PARG: variants seen among roughly 807,000 people sequenced by gnomAD.
PARG encodes the protein poly(ADP-ribose) glycohydrolase.
A neutral mutation model predicts 113.0 loss-of-function variants in PARG; 35 were observed. That is an observed-to-expected ratio of 0.31 (90% CI 0.24 to 0.41). PARG has a LOEUF of 0.41. Ranked by LOEUF, PARG falls within the 10% of genes least tolerant of loss-of-function variation. PARG has a pLI of 1.00. For missense variants in PARG, 797 were observed against 1,169.4 expected, an observed-to-expected ratio of 0.68 and a Z score of 4.64; for synonymous variants, 330 against 409.9, an observed-to-expected ratio of 0.81 and a Z score of 2.36.
chr10:49,827,227 GATTA>G (rs781943817), intron 16 of PARG, among the ~76,000 whole-genome samples: 13 of 152,212 alleles, frequency 8.5e-5, no homozygotes, highest in Non-Finnish European at 1.5e-4. Flanking sequence ...CAAAGCCCAA[GATTA>G]ATTAAAGGCA....
At chr10:49,902,672 A>G (rs1225627181) in intron 7 of PARG, among the ~76,000 whole-genome samples, 3 of 152,110 alleles carry the variant, frequency 2.0e-5, no homozygotes, top group Admixed American at 2.0e-4. Context: ...GAAACTTACT[A>G]CTTTTTAGGG....
chr10:49,941,191 T>G (rs1236575278), intron 1 of PARG, among the ~76,000 whole-genome samples: 1 of 152,166 alleles, frequency 6.6e-6, no homozygotes, highest in African/African-American at 2.4e-5. Flanking sequence ...AGCGCCCTAC[T>G]GTTTTACATA....
intron 8 of PARG, 28 bp from the exon 9 acceptor site, chr10:49,879,858 C>T (rs782128214): frequency 3.5e-5 from 31 of 891,652 alleles, no homozygotes; most frequent in African/African-American, 8.4e-5. Context: ...AAAATACAGA[C>T]GAGAAGAGCA....
intron 13 of PARG, among the ~76,000 whole-genome samples, chr10:49,851,054 T>C (rs1343839346): frequency 2.7e-4 from 41 of 152,342 alleles, no homozygotes; most frequent in Non-Finnish European, 5.3e-4. Flanking sequence ...TAAGACTTCA[T>C]AGTCAAAGAC....
intron 15 of PARG, among the ~76,000 whole-genome samples, chr10:49,841,133 A>G (rs1206002144): frequency 6.6e-6 from 1 of 152,072 alleles, no homozygotes; most frequent in Non-Finnish European, 1.5e-5. Context: ...GGCGCTTGTA[A>G]TCTCAGTTAC....
At chr10:49,892,386 T>C (rs58501852) in intron 7 of PARG, among the ~76,000 whole-genome samples, 14,410 of 152,200 alleles carry the variant, frequency 0.095, 1,117 homozygotes, top group East Asian at 0.32. Flanking sequence ...TAGGTGTGTG[T>C]GCATATAAAC....
intron 13 of PARG, among the ~76,000 whole-genome samples, chr10:49,845,133 A>G (rs1845445489): frequency 6.6e-6 from 1 of 152,232 alleles, no homozygotes; most frequent in East Asian, 1.9e-4. Context: ...ACGAGGATGG[A>G]AAACAAGTGG....
intron 7 of PARG, among the ~76,000 whole-genome samples, chr10:49,901,256 G>A (rs567390729): frequency 1.4e-4 from 21 of 151,432 alleles, no homozygotes; most frequent in African/African-American, 4.8e-4. Context: ...GACTACAGAT[G>A]CATGCTACCA....
intron 15 of PARG, among the ~76,000 whole-genome samples, chr10:49,840,820 C>T (rs1845194177): frequency 1.3e-5 from 2 of 152,204 alleles, no homozygotes. Flanking sequence ...GGAACTGGCA[C>T]ACCATGTATA....
chr10:49,869,553 A>G lies in PARG; in HGVS notation c.1991T>C (p.Leu664Ser), dbSNP rs782428122. ...TTTCCTTGATGAACGTCCCTCAAAC[A>G]ATCTAAGAGATAAAAAATAAAAGAG... ...SSYPDINFNR[L>S]FEGRSSRKPE... Residue 664 changes from leucine (L) to serine (S), a missense_variant and splice_region_variant, in exon 10 of 18, where the codon TTG becomes TCG. This residue lies in a region of PARG where 252 missense variants were observed against 437.4 expected (regional missense o/e 0.58). Transcript: ENST00000616448. 140 of 1,388,344 alleles carry G rather than the reference A, an allele frequency of 1.0e-4. No individual in the cohort carries two copies. Among genetic ancestry groups the G allele is most frequent in the Non-Finnish European group, 1.3e-4 (128 of 994,090 alleles). The allele number at this position is 1,388,344 out of a possible 1,614,324, so 86.0% of individuals were successfully genotyped here.
chr10:49,843,683 T>C (rs1845357446), intron 13 of PARG, 51 bp from the exon 14 acceptor site: 4 of 1,182,420 alleles, frequency 3.4e-6, no homozygotes, highest in Non-Finnish European at 4.9e-6. Flanking sequence ...GGCAAAAACA[T>C]TCCACCTTTC....
At chr10:49,835,710 T>C (rs1844883398) in intron 15 of PARG, among the ~76,000 whole-genome samples, 1 of 152,010 alleles carries the variant, frequency 6.6e-6, no homozygotes, top group Non-Finnish European at 1.5e-5. Context: ...AAAGAAATGG[T>C]ATCCAGGGGA....
At chr10:49,889,497 T>C (rs2132673600) in intron 7 of PARG, among the ~76,000 whole-genome samples, 1 of 152,290 alleles carries the variant, frequency 6.6e-6, no homozygotes, top group East Asian at 1.9e-4. Flanking sequence ...CACTAGGTCT[T>C]TACTGATACC....
rs578047933 is a variant in PARG at position 49,870,112 on chromosome 10, A to G, written c.1989-557T>C. On this transcript the variant is annotated intron_variant, in intron 9 of 17. Transcript: ENST00000616448. The stretch of plus-strand genomic sequence containing the variant: ...GAATGTTTGTGACCTCTCAAAATTT[A>G]TATGTTGAATCCTTAATCCCTAATA... 6.6e-5 allele frequency among the ~76,000 whole-genome samples: 10 copies of G among 151,842 alleles called. No homozygotes were observed. In the East Asian group the frequency reaches 1.5e-3, roughly 24 times the overall value.
chr10:49,908,055 T>C (rs1334473203), intron 7 of PARG, among the ~76,000 whole-genome samples: 1 of 152,192 alleles, frequency 6.6e-6, no homozygotes, highest in Non-Finnish European at 1.5e-5. Context: ...TCTAACCTCT[T>C]TGTCCACCAC....
At chr10:49,866,945 T>C (rs1846544170) in intron 10 of PARG, 1 of 151,610 alleles carries the variant, frequency 6.6e-6, no homozygotes, top group East Asian at 1.9e-4. Context: ...AGATATAAAA[T>C]ACACATGTTT....
chr10:49,885,422 T>C, intron 7 of PARG, 127 bp from the exon 8 acceptor site: 1 of 629,528 alleles, frequency 1.6e-6, no homozygotes, highest in Non-Finnish European at 2.9e-6. Flanking sequence ...TGGCACCCTA[T>C]CAGCATCACC....
At position 49,941,759 on chromosome 10, in the gene PARG, C is replaced by A. The variant is rs1206684386; in HGVS notation, c.-34G>T. ...CAGCAGCGCACTGTCCCCGGGCCGG[C>A]CCGGGCGGAGAGCCTCATTCACTAA... is the stretch of plus-strand genomic sequence containing the variant. On this transcript the variant is annotated 5_prime_UTR_variant, in exon 1 of 18. Transcript: ENST00000616448. 116 of 1,547,366 alleles carry A rather than the reference C, an allele frequency of 7.5e-5. No individual in the cohort carries two copies. The East Asian group carries it at 1.7e-3, about 22-fold the overall frequency.
chr10:49,857,551 A>T, intron 12 of PARG, 98 bp from the exon 13 acceptor site: 1 of 614,662 alleles, frequency 1.6e-6, no homozygotes, highest in Non-Finnish European at 2.9e-6. Flanking sequence ...TTCCTCTCCC[A>T]TGAAAATCAA....
Sources: allele counts gnomAD v4.1 joint callset (sites outside exome capture counted in the v4.1 genomes callset), GRCh38; gene constraint gnomAD v4.1.1; regional missense constraint gnomAD v4.1.1; transcripts MANE v1.5; gene names NCBI Gene and HGNC (gene_info 2026-07-23, HGNC 2026-07-21).